Variants in CRB3 observed in about 807,000 individuals in gnomAD.
The protein encoded by CRB3 is protein crumbs homolog 3.
Under a neutral mutation model 10.4 loss-of-function variants are expected in CRB3, and 4 were observed. The ratio of observed to expected loss-of-function variants is 0.39; its 90% CI spans 0.19 to 0.88. CRB3 has a LOEUF of 0.88. CRB3 is among the 40% of genes least tolerant of loss of function. The probability of loss-of-function intolerance (pLI) is 0.39; values close to 1 mark genes in which losing one functional copy is unlikely to be tolerated. For synonymous variants in CRB3, 74 were observed against 73.4 expected (o/e 1.01, Z -0.04); for missense variants, 154 against 160.2 (o/e 0.96, Z 0.21).
rs1599372434 is a variant in CRB3, at chr19:6,466,958, A to T, written c.*286A>T. 1 of 1,613,664 alleles carries T rather than the reference A, an allele frequency of 6.2e-7. No individual in the cohort carries two copies. Among genetic ancestry groups the T allele is most frequent in the South Asian group, 1.1e-5 (1 of 91,058 alleles). Reference sequence around the variant, plus strand: ...CCCTCTCCTTTCTTTCAGTTCTCCCATGCAGCCGAGGCCCGGGCCCCTCAG... The same window carrying T: ...CCCTCTCCTTTCTTTCAGTTCTCCCTTGCAGCCGAGGCCCGGGCCCCTCAG... On this transcript the variant is annotated 3_prime_UTR_variant, in exon 4 of 4. Coordinates refer to ENST00000600229, the MANE Select transcript of CRB3 (RefSeq NM_139161.5). This position sits in a 1 kb window ranked among gnomAD's most constrained non-coding sequence, Gnocchi z 4.9.
At chr19:6,465,280 C>T (rs1173282204) in intron 2 of CRB3, 10 of 495,226 alleles carry the variant, frequency 2.0e-5, no homozygotes, top group East Asian at 1.0e-4. Flanking sequence ...GGCCCAGGGC[C>T]GAGAGGTGAG....
Position 6,464,849 on chromosome 19 carries a change from G to A in CRB3, c.82+66G>A. On this transcript the variant is annotated intron_variant, in intron 2 of 3. Transcript: ENST00000600229. The surrounding 1 kb of genome is among the most constrained non-coding windows in gnomAD (Gnocchi z 5.3). ...TTCCTGGATCTCTGCTGGGGACGTG[G>A]CTTAGAAGCGCTGGGTATCTGGGGC... The A allele has an allele frequency of 1.0e-6, 1 of 964,340 alleles. No homozygotes were observed. Among genetic ancestry groups the A allele is most frequent in the South Asian group, 5.3e-5 (1 of 19,028 alleles). The allele number at this position is 964,340 out of a possible 1,614,324, so 59.7% of individuals were successfully genotyped here. A position where few individuals can be genotyped will look rare whatever the true frequency, so the allele number is the denominator to read the frequency against.
rs990773558 is a variant in CRB3, at chr19:6,467,120, AG to A, written c.*451del. The A allele has an allele frequency of 4.6e-5, 49 of 1,065,938 alleles. No individual in the cohort carries two copies. The African/African-American group carries it at 7.2e-4, about 16-fold the overall frequency. 66.0% of individuals were successfully genotyped at this position (1,065,938 alleles called of 1,614,324 possible). On this transcript the variant is annotated 3_prime_UTR_variant, in exon 4 of 4. Transcript: ENST00000600229. ...TCAGATCCACCCAGTGCTTAATAGC[AG>A]GGAAGAAGGTACTTCAAAGACTCTG...
intron 3 of CRB3, among the ~76,000 whole-genome samples, 189 bp downstream of exon 3, chr19:6,465,807 G>A (rs1485523628): frequency 2.6e-5 from 4 of 152,126 alleles, no homozygotes; most frequent in Non-Finnish European, 4.4e-5. Flanking sequence ...GAGGGAGTGG[G>A]CAGGAATACT....
chr19:6,466,563 A>AC lies in CRB3; in HGVS notation c.254_255insC (p.Glu85AspfsTer13). The AC allele has an allele frequency of 6.2e-7, 1 of 1,611,488 alleles. No homozygotes were observed. The highest frequency in any genetic ancestry group is 8.5e-7 in the Non-Finnish European group (1 of 1,179,914). On this transcript the variant is annotated frameshift_variant, in exon 4 of 4. Coordinates refer to ENST00000600229, the MANE Select transcript of CRB3 (RefSeq NM_139161.5). LOFTEE classifies it high-confidence loss of function. This position sits in a 1 kb window ranked among gnomAD's most constrained non-coding sequence, Gnocchi z 4.9. ...GCACTGTTGGTGCGGAAGCTTCGGG[A>AC]GAAGCGGCAGACGGAGGGCACCTAC... is the stretch of plus-strand genomic sequence containing the variant.
chr19:6,466,354 T>G lies in CRB3; in HGVS notation c.157-112T>G. On this transcript the variant is annotated intron_variant, in intron 3 of 3. Coordinates refer to ENST00000600229, the MANE Select transcript of CRB3 (RefSeq NM_139161.5). This position sits in a 1 kb window ranked among gnomAD's most constrained non-coding sequence, Gnocchi z 4.9. ...CAGATCACCAAAAGTGGCAGATGTG[T>G]GTATGTGTGTGTGTGTGTTGTGGGG... 1 of 872,604 alleles carries G rather than the reference T, an allele frequency of 1.1e-6. No homozygotes were observed. Among genetic ancestry groups the G allele is most frequent in the Non-Finnish European group, 1.9e-6 (1 of 535,744 alleles). The allele number at this position is 872,604 out of a possible 1,614,324, so 54.1% of individuals were successfully genotyped here.
chr19:6,465,872 G>A (rs1343070019), intron 3 of CRB3, among the ~76,000 whole-genome samples: 1 of 152,084 alleles, frequency 6.6e-6, no homozygotes, highest in African/African-American at 2.4e-5. Context: ...GGTGGGTGGG[G>A]GAGCAAGGAG....
upstream of CRB3, chr19:6,463,856 A>C (rs2092783047): frequency 1.3e-5 from 2 of 151,892 alleles, no homozygotes; most frequent in Admixed American, 1.3e-4. Flanking sequence ...GGCCTCAAGC[A>C]ATCCTCTTGC....
Position 6,466,061 on chromosome 19 carries a change from G to A in CRB3, c.157-405G>A, listed in dbSNP as rs1811562028. Among the ~76,000 whole-genome samples the A allele has an allele frequency of 1.3e-5, 2 of 152,086 alleles. No individual in the cohort carries two copies. The highest frequency in any genetic ancestry group is 2.4e-5 in the African/African-American group (1 of 41,416). The stretch of plus-strand genomic sequence containing the variant: ...TAAAAATACAAAAAATTAGCCAGGC[G>A]GGGTGGCACACACCTGTAATCCCAG... On this transcript the variant is annotated intron_variant, in intron 3 of 3. Transcript: ENST00000600229. This position sits in a 1 kb window ranked among gnomAD's most constrained non-coding sequence, Gnocchi z 4.9.
Position 6,464,968 on chromosome 19 carries a change from T to G in CRB3, c.82+185T>G. 2.6e-6 allele frequency: 1 copy of G among 381,110 alleles called. No homozygotes were observed. The highest frequency in any genetic ancestry group is 3.8e-5 in the East Asian group (1 of 26,196). 23.6% of individuals were successfully genotyped at this position (381,110 alleles called of 1,614,324 possible). Reference sequence around the variant, plus strand: ...CGGGGGGATTAAGATTTCTAGTTTCTTCCTTGGACACTGGGAGTTGGTCTA... The same window carrying G: ...CGGGGGGATTAAGATTTCTAGTTTCGTCCTTGGACACTGGGAGTTGGTCTA... On this transcript the variant is annotated intron_variant, in intron 2 of 3. Coordinates refer to ENST00000600229, the MANE Select transcript of CRB3 (RefSeq NM_139161.5). This position sits in a 1 kb window ranked among gnomAD's most constrained non-coding sequence, Gnocchi z 5.3.
rs1302271631 is a variant in CRB3, at chr19:6,464,414, C to G, written c.-95+64C>G. 9.4e-6 allele frequency: 3 copies of G among 320,832 alleles called. No individual in the cohort carries two copies. The highest frequency in any genetic ancestry group is 1.7e-5 in the Non-Finnish European group (3 of 176,632). 19.9% of individuals were successfully genotyped at this position (320,832 alleles called of 1,614,324 possible). A position where few individuals can be genotyped will look rare whatever the true frequency, so the allele number is the denominator to read the frequency against. On this transcript the variant is annotated intron_variant, in intron 1 of 3. Coordinates refer to ENST00000600229, the MANE Select transcript of CRB3 (RefSeq NM_139161.5). The surrounding 1 kb of genome is among the most constrained non-coding windows in gnomAD (Gnocchi z 5.3). ...CCCGTCCACCCTGCCCGTCCCGTCC[C>G]GTCCCGTCCCGTCCCCTTCCTTTCC...
intron 3 of CRB3, among the ~76,000 whole-genome samples, chr19:6,465,838 C>T (rs1051607888): frequency 1.3e-5 from 2 of 152,028 alleles, no homozygotes; most frequent in African/African-American, 4.8e-5. Context: ...GATGTGTGGG[C>T]TCAGGAATTC....
At chr19:6,465,493 G>A (rs1475918268) in intron 2 of CRB3, 52 bp from the exon 3 acceptor site, 3 of 1,488,964 alleles carry the variant, frequency 2.0e-6, no homozygotes, top group South Asian at 1.1e-5. Flanking sequence ...GATGGGCGGG[G>A]ATGGGAGAGA....
Position 6,467,086 on chromosome 19 carries a change from T to A in CRB3, c.*414T>A. 1.4e-6 allele frequency: 2 copies of A among 1,451,042 alleles called. No individual in the cohort carries two copies. The highest frequency in any genetic ancestry group is 1.9e-6 in the Non-Finnish European group (2 of 1,036,662). The allele number at this position is 1,451,042 out of a possible 1,614,324, so 89.9% of individuals were successfully genotyped here. ...GACCTTGGGGAAAGGCAGTGCCCTC[T>A]CTGGGCAGTCAGATCCACCCAGTGC... On this transcript the variant is annotated 3_prime_UTR_variant, in exon 4 of 4. Coordinates refer to ENST00000600229, the MANE Select transcript of CRB3 (RefSeq NM_139161.5).
intron 2 of CRB3, 51 bp from the exon 3 acceptor site, chr19:6,465,494 A>C (rs765485005): frequency 6.7e-7 from 1 of 1,494,424 alleles, no homozygotes; most frequent in Non-Finnish European, 9.3e-7. Flanking sequence ...ATGGGCGGGG[A>C]TGGGAGAGAA....
In CRB3 at chr19:6,464,694, C is replaced by T; in HGVS notation, c.-8C>T. ...CTTCCTCGGCGCTGCCAACCCGCCACCCAGCCCATGGCGAACCCCGGGCTG... is the reference window on the plus strand; with the variant it reads ...CTTCCTCGGCGCTGCCAACCCGCCATCCAGCCCATGGCGAACCCCGGGCTG... On this transcript the variant is annotated 5_prime_UTR_variant, in exon 2 of 4. Coordinates refer to ENST00000600229, the MANE Select transcript of CRB3 (RefSeq NM_139161.5). The surrounding 1 kb of genome is among the most constrained non-coding windows in gnomAD (Gnocchi z 5.3). 1 of 1,236,810 alleles carries T rather than the reference C, an allele frequency of 8.1e-7. No homozygotes were observed. Among genetic ancestry groups the T allele is most frequent in the Non-Finnish European group, 1.0e-6 (1 of 989,838 alleles). 76.6% of individuals were successfully genotyped at this position (1,236,810 alleles called of 1,614,324 possible). A position where few individuals can be genotyped will look rare whatever the true frequency, so the allele number is the denominator to read the frequency against.
At chr19:6,465,129 AGGAG>A (rs2092788016) in intron 2 of CRB3, 1 of 290,328 alleles carries the variant, frequency 3.4e-6, no homozygotes, top group Admixed American at 4.9e-5. Flanking sequence ...GGGAGCTGGG[AGGAG>A]GCCTGCCGAG....
intron 2 of CRB3, chr19:6,465,050 T>A (rs2092787634): frequency 7.2e-6 from 2 of 277,880 alleles, no homozygotes; most frequent in South Asian, 1.6e-4. Context: ...GGCTCCTAAG[T>A]AGGACTTGGG....
At position 6,466,054 on chromosome 19, in the gene CRB3, GC is replaced by G. The variant is rs2092792597; in HGVS notation, c.157-410del. On this transcript the variant is annotated intron_variant, in intron 3 of 3. Coordinates refer to ENST00000600229, the MANE Select transcript of CRB3 (RefSeq NM_139161.5). The surrounding 1 kb of genome is among the most constrained non-coding windows in gnomAD (Gnocchi z 4.9). ...TCTCTACTAAAAATACAAAAAATTA[GC>G]CAGGCGGGGTGGCACACACCTGTAA... Among the ~76,000 whole-genome samples the G allele has an allele frequency of 6.6e-6, 1 of 152,130 alleles. No homozygotes were observed. Among genetic ancestry groups the G allele is most frequent in the Non-Finnish European group, 1.5e-5 (1 of 68,020 alleles).
Sources: gnomAD v4.1 joint callset for allele counts (sites outside exome capture counted in the v4.1 genomes callset) on GRCh38, gnomAD v4.1.1 for gene constraint, Gnocchi (gnomAD v3.1) non-coding constraint, MANE v1.5 for transcripts, NCBI Gene and HGNC (gene_info 2026-07-23, HGNC 2026-07-21) for gene names.